RORA: variants seen among roughly 807,000 people sequenced by gnomAD.
RORA encodes nuclear receptor ROR-alpha.
RORA carries 7 observed loss-of-function variants against 69.5 expected under a neutral mutation model. The ratio of observed to expected loss-of-function variants is 0.10; its 90% confidence interval spans 0.06 to 0.19. The LOEUF is 0.19. Among genes scored for constraint, RORA ranks in the 10% least tolerant of loss-of-function variants. RORA has a pLI of 1.00. For synonymous variants in RORA, 261 were observed against 240.8 expected (o/e 1.08, Z -0.78); for missense variants, 457 against 663.0 (o/e 0.69, Z 3.41).
intron 1 of RORA, among the ~76,000 whole-genome samples, chr15:61,180,825 G>A (rs534222529): frequency 3.0e-4 from 45 of 152,292 alleles, no homozygotes; most frequent in Non-Finnish European, 5.6e-4. Flanking sequence ...AAGGCCAGGC[G>A]TGGTGGCTCA....
At chr15:61,011,287 T>C (rs1895077769) in intron 1 of RORA, among the ~76,000 whole-genome samples, 1 of 152,226 alleles carries the variant, frequency 6.6e-6, no homozygotes, top group South Asian at 2.1e-4. Context: ...ACTCAATCTG[T>C]TTCTCTTCTA....
chr15:60,678,686 C>A lies in RORA; in HGVS notation c.167G>T (p.Gly56Val). 5 of 1,611,828 alleles carry A rather than the reference C, an allele frequency of 3.1e-6. No homozygotes were observed. Among genetic ancestry groups the A allele is most frequent in the African/African-American group, 1.3e-5 (1 of 74,966 alleles). ...RRQSYSSTSR[G>V]ISVTKKTHTS... ...ATGTGTCTTCTTCGTTACTGAGATA[C>A]CTGGAAGAGAAGAAACAATAACATA... Residue 56 changes from glycine (G) to valine (V), a missense_variant and splice_region_variant, in exon 2 of 11, where the codon GGT becomes GTT. Gly to Val is a moderately radical substitution (Grantham distance 109). This residue lies in a region of RORA where 119 missense variants were observed against 92.4 expected (regional missense o/e 1.29). Transcript: ENST00000335670.
At chr15:60,893,451 G>A (rs1053142939) in intron 1 of RORA, among the ~76,000 whole-genome samples, 1 of 152,144 alleles carries the variant, frequency 6.6e-6, no homozygotes, top group Admixed American at 6.5e-5. Flanking sequence ...CCCACTCCGC[G>A]CCCCTGCGAA....
At chr15:60,629,737 G>T (rs530946286) in intron 2 of RORA, among the ~76,000 whole-genome samples, 1 of 152,296 alleles carries the variant, frequency 6.6e-6, no homozygotes, top group East Asian at 1.9e-4. Context: ...ACTAGGTGTG[G>T]GCTGCACAGA....
At chr15:60,746,834 T>G (rs946278294) in intron 1 of RORA, among the ~76,000 whole-genome samples, 2 of 152,240 alleles carry the variant, frequency 1.3e-5, no homozygotes, top group African/African-American at 4.8e-5. Context: ...CAGATTATTA[T>G]TTCAACTTCA....
At chr15:60,651,323 A>T (rs1295172777) in intron 2 of RORA, among the ~76,000 whole-genome samples, 1 of 152,136 alleles carries the variant, frequency 6.6e-6, no homozygotes, top group Non-Finnish European at 1.5e-5. Context: ...ATCAAATCTC[A>T]TATAAATACC....
intron 1 of RORA, among the ~76,000 whole-genome samples, chr15:61,197,765 A>G (rs1408999998): frequency 6.6e-6 from 1 of 152,112 alleles, no homozygotes; most frequent in African/African-American, 2.4e-5. Context: ...ATCCAAAAAG[A>G]CCTGGTGAAG....
intron 1 of RORA, among the ~76,000 whole-genome samples, chr15:60,835,533 C>T (rs1426286964): frequency 6.6e-6 from 1 of 152,168 alleles, no homozygotes; most frequent in Non-Finnish European, 1.5e-5. Flanking sequence ...ATGTGAGACA[C>T]CAGTGAAAAC....
chr15:60,661,033 T>C (rs2070295459), intron 2 of RORA, among the ~76,000 whole-genome samples: 1 of 148,834 alleles, frequency 6.7e-6, no homozygotes, highest in Admixed American at 6.7e-5. Context: ...TTGACAGTAA[T>C]GTGAATCACT....
chr15:61,011,820 A>C (rs114905275), intron 1 of RORA, among the ~76,000 whole-genome samples: 7 of 152,358 alleles, frequency 4.6e-5, no homozygotes, highest in African/African-American at 1.7e-4. Context: ...AGCAAACAAG[A>C]AGAAATATTC....
intron 1 of RORA, among the ~76,000 whole-genome samples, chr15:60,936,493 T>G (rs77821679): frequency 6.6e-5 from 10 of 152,326 alleles, no homozygotes; most frequent in Non-Finnish European, 1.2e-4. Context: ...AGTGTCCACC[T>G]TCTTTGTCCA....
intron 2 of RORA, among the ~76,000 whole-genome samples, chr15:60,611,570 A>AAAAAAAAAAAAAAAC (rs2069090406): frequency 7.3e-6 from 1 of 137,864 alleles, no homozygotes; most frequent in Non-Finnish European, 1.5e-5. Flanking sequence ...AAAAAAAAAA[A>AAAAAAAAAAAAAAAC]AAAAAAAAAA....
chr15:60,836,743 T>C (rs1199285995), intron 1 of RORA, among the ~76,000 whole-genome samples: 1 of 152,168 alleles, frequency 6.6e-6, no homozygotes, highest in Non-Finnish European at 1.5e-5. Context: ...TGAGAATCTC[T>C]ACCATCAGCC....
chr15:61,201,541 T>TG (rs769957620), intron 1 of RORA, among the ~76,000 whole-genome samples: 6 of 152,238 alleles, frequency 3.9e-5, no homozygotes, highest in Non-Finnish European at 8.8e-5. Flanking sequence ...TTCAGTCTCG[T>TG]GGGCACTTAA....
chr15:60,892,560 T>G (rs1034352656), intron 1 of RORA, among the ~76,000 whole-genome samples: 1 of 152,142 alleles, frequency 6.6e-6, no homozygotes, highest in African/African-American at 2.4e-5. Flanking sequence ...CAGGTTAAAA[T>G]GAAGACTTCG....
At chr15:60,857,189 T>C (rs887296302) in intron 1 of RORA, among the ~76,000 whole-genome samples, 1 of 151,968 alleles carries the variant, frequency 6.6e-6, no homozygotes, top group Non-Finnish European at 1.5e-5. Flanking sequence ...AGGGCTATGA[T>C]GAATAGTTGA....
intron 1 of RORA, among the ~76,000 whole-genome samples, chr15:61,079,841 G>C (rs35610042): frequency 1.3e-5 from 2 of 152,026 alleles, no homozygotes; most frequent in Non-Finnish European, 2.9e-5. Flanking sequence ...CTCGTGTTTT[G>C]AATTAGACCT....
intron 1 of RORA, among the ~76,000 whole-genome samples, chr15:60,904,076 T>A (rs538452765): frequency 0.02 from 3,078 of 152,304 alleles, 103 homozygotes; most frequent in African/African-American, 0.069. Flanking sequence ...TGCAGAGCAG[T>A]TAGTAGGTAT....
intron 1 of RORA, among the ~76,000 whole-genome samples, chr15:60,699,940 C>CAA (rs894411507): frequency 6.6e-6 from 1 of 151,900 alleles, no homozygotes; most frequent in Non-Finnish European, 1.5e-5. Flanking sequence ...TGATTTCAGA[C>CAA]AAAGTACGCA....
Sources: allele counts gnomAD v4.1 joint callset (sites outside exome capture counted in the v4.1 genomes callset), GRCh38; gene constraint gnomAD v4.1.1; regional missense constraint gnomAD v4.1.1; transcripts MANE v1.5; gene names NCBI Gene and HGNC (gene_info 2026-07-23, HGNC 2026-07-21).